Variants in SIPA1L2 observed in about 807,000 individuals in gnomAD.
SIPA1L2 encodes signal-induced proliferation-associated 1-like protein 2.
Under a neutral mutation model 163.9 loss-of-function variants are expected in SIPA1L2, and 56 were observed. The ratio of observed to expected loss-of-function variants is 0.34; its 90% CI spans 0.28 to 0.43. The LOEUF (loss-of-function observed/expected upper bound fraction) is 0.43, where lower values mean the gene tolerates loss of function less well. Ranked by LOEUF, SIPA1L2 falls within the 20% of genes least tolerant of loss-of-function variation. The probability of loss-of-function intolerance (pLI) is 1.00; values close to 1 mark genes in which losing one functional copy is unlikely to be tolerated. For missense variants in SIPA1L2, 1,974 were observed against 2,193.5 expected, an observed-to-expected ratio of 0.90 and a Z score of 2.00; for synonymous variants, 877 against 865.7, an observed-to-expected ratio of 1.01 and a Z score of -0.23.
chr1:232,584,224 T>C (rs569923609), intron 1 of SIPA1L2, among the ~76,000 whole-genome samples: 4 of 152,170 alleles, frequency 2.6e-5, no homozygotes, highest in Non-Finnish European at 5.9e-5. Context: ...CATATCCTTT[T>C]AGTCCAATCT....
intron 2 of SIPA1L2, among the ~76,000 whole-genome samples, chr1:232,548,725 C>T (rs1658199371): frequency 6.6e-6 from 1 of 152,210 alleles, no homozygotes; most frequent in Non-Finnish European, 1.5e-5. Flanking sequence ...AAACCCCACA[C>T]TCCAACAGGA....
chr1:232,629,333 G>A (rs1047614821), intron 1 of SIPA1L2, among the ~76,000 whole-genome samples: 1 of 152,210 alleles, frequency 6.6e-6, no homozygotes, highest in South Asian at 2.1e-4. Context: ...GGCAAAGTGG[G>A]AAGAAAGGTC....
intron 1 of SIPA1L2, among the ~76,000 whole-genome samples, 140 bp downstream of exon 1, chr1:232,629,712 ACCCTCGCACCCCCGCGC>A (rs1230370861): frequency 2.0e-5 from 3 of 151,552 alleles, no homozygotes; most frequent in African/African-American, 4.9e-5. Context: ...CTGCGCCGCG[ACCCTCGCACCCCCGCGC>A]CCCTCGCACC....
At chr1:232,504,305 G>A (rs1304779488) in intron 3 of SIPA1L2, among the ~76,000 whole-genome samples, 29 of 152,154 alleles carry the variant, frequency 1.9e-4, no homozygotes, top group Admixed American at 2.0e-4. Context: ...TTGGAAGGCC[G>A]AGGCAGGTGG....
chr1:232,513,988 G>C lies in SIPA1L2; in HGVS notation c.1352C>G (p.Thr451Arg). 1 of 1,614,218 alleles carries C rather than the reference G, an allele frequency of 6.2e-7. No individual in the cohort carries two copies. Among genetic ancestry groups the C allele is most frequent in the Non-Finnish European group, 8.5e-7 (1 of 1,180,042 alleles). ...TTCCAAGACGGAGACACCTGCATTT[G>C]TGCAGTGAGAGCTGAGTGACGATTC... Reference protein sequence around the residue: ...SFESSLSSHCTNAGVSVLEVP... With the variant: ...SFESSLSSHCRNAGVSVLEVP... Residue 451 changes from threonine (T) to arginine (R), a missense_variant, in exon 3 of 23, where the codon ACA (threonine) becomes AGA (arginine). This residue lies in a region of SIPA1L2 where 607 missense variants were observed against 624.0 expected (regional missense o/e 0.97). Coordinates refer to ENST00000674635, the MANE Select transcript of SIPA1L2 (RefSeq NM_020808.5).
chr1:232,514,337 G>C lies in SIPA1L2; in HGVS notation c.1003C>G (p.Gln335Glu). 8 of 1,613,132 alleles carry C rather than the reference G, an allele frequency of 5.0e-6. No individual in the cohort carries two copies. Among genetic ancestry groups the C allele is most frequent in the Non-Finnish European group, 6.8e-6 (8 of 1,180,026 alleles). ...TCGTTGATATTAAACAAAATGCTCT[G>C]GACATCATAATGTGCAAAACATCGC... ...CQRCFAHYDV[Q>E]SILFNINEAM... The change falls in exon 3 of 23, where the codon CAG becomes GAG. Residue 335 changes from glutamine to glutamate, a missense_variant. By Grantham distance (29) the Gln-to-Glu change is conservative (BLOSUM62 2). Transcript: ENST00000674635.
At chr1:232,536,143 C>G (rs558640465) in intron 2 of SIPA1L2, among the ~76,000 whole-genome samples, 2 of 152,126 alleles carry the variant, frequency 1.3e-5, no homozygotes. Flanking sequence ...GATCTGAGAG[C>G]GCAGGAGCTG....
intron 2 of SIPA1L2, among the ~76,000 whole-genome samples, chr1:232,534,336 A>T (rs988181378): frequency 6.6e-6 from 1 of 152,244 alleles, no homozygotes; most frequent in South Asian, 2.1e-4. Flanking sequence ...GGCTATCTAT[A>T]TACAAAAGCA....
At chr1:232,610,535 A>T (rs140023682) in intron 1 of SIPA1L2, among the ~76,000 whole-genome samples, 215 of 152,366 alleles carry the variant, frequency 1.4e-3, no homozygotes, top group African/African-American at 4.9e-3. Context: ...ACAAAATTCT[A>T]AGAGATCTTG....
At chr1:232,591,433 C>G (rs1660951953) in intron 1 of SIPA1L2, among the ~76,000 whole-genome samples, 1 of 152,256 alleles carries the variant, frequency 6.6e-6, no homozygotes, top group South Asian at 2.1e-4. Context: ...CAGCTCCTCC[C>G]TGGGTCTGCC....
intron 1 of SIPA1L2, among the ~76,000 whole-genome samples, chr1:232,627,626 G>A (rs932724183): frequency 2.6e-5 from 4 of 151,928 alleles, no homozygotes; most frequent in African/African-American, 7.3e-5. Flanking sequence ...TCCCTTATTA[G>A]ACTAAAAGTT....
At chr1:232,484,003 A>C in intron 5 of SIPA1L2, 37 bp from the exon 6 acceptor site, 2 of 1,572,052 alleles carry the variant, frequency 1.3e-6, no homozygotes, top group Non-Finnish European at 1.7e-6. Flanking sequence ...TTGGCAAAGC[A>C]TATCAGACAA....
At chr1:232,422,308 T>C (rs1057041983) in intron 18 of SIPA1L2, among the ~76,000 whole-genome samples, 5 of 152,248 alleles carry the variant, frequency 3.3e-5, no homozygotes, top group African/African-American at 1.2e-4. Context: ...ACATGAATCA[T>C]GACATGAATT....
At chr1:232,627,952 T>C (rs776270527) in intron 1 of SIPA1L2, among the ~76,000 whole-genome samples, 5 of 152,240 alleles carry the variant, frequency 3.3e-5, no homozygotes, top group Non-Finnish European at 5.9e-5. Context: ...TATTTATGAA[T>C]ACACTCTAAT....
Position 232,629,990 on chromosome 1 carries a change from G to A in SIPA1L2, c.-440C>T, listed in dbSNP as rs1663301755. 6.7e-6 allele frequency among the ~76,000 whole-genome samples: 1 copy of A among 150,284 alleles called. No homozygotes were observed. The highest frequency in any genetic ancestry group is 1.5e-5 in the Non-Finnish European group (1 of 67,404). On this transcript the variant is annotated 5_prime_UTR_variant, in exon 1 of 23. Transcript: ENST00000674635. ...GCCCATCGGCCCGGACTCTCCCCGC[G>A]CCGGGCTCCGGCGGAGGCGGCCCGG...
intron 7 of SIPA1L2, among the ~76,000 whole-genome samples, chr1:232,472,728 C>G (rs902893226): frequency 6.6e-6 from 1 of 152,198 alleles, no homozygotes; most frequent in Non-Finnish European, 1.5e-5. Context: ...TGAAAGACCA[C>G]GACCTTACCC....
chr1:232,553,386 G>T (rs1452081136), intron 2 of SIPA1L2, among the ~76,000 whole-genome samples: 1 of 152,172 alleles, frequency 6.6e-6, no homozygotes, highest in African/African-American at 2.4e-5. Flanking sequence ...CAGGACGGGG[G>T]GGCGTAGTGG....
chr1:232,431,598 T>C (rs1324728306), intron 16 of SIPA1L2, among the ~76,000 whole-genome samples: 4 of 152,196 alleles, frequency 2.6e-5, no homozygotes, highest in African/African-American at 9.6e-5. Context: ...AGTATTCTGT[T>C]AAGCTTCTTT....
intron 4 of SIPA1L2, 32 bp from the exon 5 acceptor site, chr1:232,491,094 TATTG>T: frequency 1.3e-6 from 2 of 1,581,098 alleles, no homozygotes; most frequent in Non-Finnish European, 1.7e-6. Context: ...CTTCGGTTAA[TATTG>T]ATTCTCAATT....
Sources: allele counts gnomAD v4.1 joint callset (sites outside exome capture counted in the v4.1 genomes callset), GRCh38; gene constraint gnomAD v4.1.1; regional missense constraint gnomAD v4.1.1; transcripts MANE v1.5; gene names NCBI Gene and HGNC (gene_info 2026-07-23, HGNC 2026-07-21).